The following MOV10 variants were observed in gnomAD, a reference collection of about 807,000 sequenced individuals.
The protein encoded by MOV10 is RNA helicase MOV-10.
In MOV10, 39 loss-of-function variants were observed where a neutral mutation model predicts 108.4. The observed-to-expected ratio is 0.36, with a 90% confidence interval of 0.28 to 0.47. MOV10 has a LOEUF of 0.47. MOV10 is among the 20% of genes least tolerant of loss of function. The pLI, the probability that MOV10 is intolerant of heterozygous loss-of-function variation, is 1.00. For missense variants in MOV10, 952 were observed against 1,297.6 expected (o/e 0.73, Z 4.09); for synonymous variants, 490 against 523.1 (o/e 0.94, Z 0.86).
chr1:112,696,943 C>T (rs1464218532), intron 14 of MOV10, 97 bp downstream of exon 14: 3 of 1,039,934 alleles, frequency 2.9e-6, no homozygotes, highest in East Asian at 5.2e-5. Flanking sequence ...AGTCCTGTTG[C>T]TCAGAGGTTG....
chr1:112,691,663 A>G lies in MOV10; in HGVS notation c.837-2A>G. 1 of 1,612,948 alleles carries G rather than the reference A, an allele frequency of 6.2e-7. No individual in the cohort carries two copies. Among genetic ancestry groups the G allele is most frequent in the Non-Finnish European group, 8.5e-7 (1 of 1,179,168 alleles). On this transcript the variant is annotated splice_acceptor_variant, in intron 5 of 20. Coordinates refer to ENST00000369645, the MANE Select transcript of MOV10 (RefSeq NM_001321324.2). LOFTEE classifies it high-confidence loss of function. The stretch of plus-strand genomic sequence containing the variant: ...CTGTGTTTTCTTCCCTCGATTCTGC[A>G]GCGCTAAGGGCTATGACCTGGAGTT...
chr1:112,683,309 G>T (rs1485485684), intron 2 of MOV10, among the ~76,000 whole-genome samples: 5 of 152,126 alleles, frequency 3.3e-5, no homozygotes, highest in Non-Finnish European at 7.4e-5. Flanking sequence ...TCATAGGATA[G>T]GCATATGTTT....
chr1:112,691,768 T>A lies in MOV10; in HGVS notation c.940T>A (p.Phe314Ile). ...LPMLLQGTSIFTAPKEIAEIK... is the reference protein window; with the variant it reads ...LPMLLQGTSIITAPKEIAEIK... ...CATGCTTCTTCAGGGAACAAGTATC[T>A]TCACTGCCCCTAAGGAGATCGCAGA... The change falls in exon 6 of 21, where the codon TTC (phenylalanine) becomes ATC (isoleucine). Residue 314 changes from phenylalanine to isoleucine, a missense_variant. This residue lies in a region of MOV10 where 374 missense variants were observed against 468.6 expected (regional missense o/e 0.80). Transcript: ENST00000369645. 1 of 1,614,176 alleles carries A rather than the reference T, an allele frequency of 6.2e-7. No homozygotes were observed. Among genetic ancestry groups the A allele is most frequent in the African/African-American group, 1.3e-5 (1 of 75,036 alleles).
At chr1:112,676,021 G>A (rs1278489627) in intron 2 of MOV10, among the ~76,000 whole-genome samples, 1 of 97,392 alleles carries the variant, frequency 1.0e-5, no homozygotes. Flanking sequence ...ATTTGGGGTG[G>A]GGGAAAAGGG....
rs762529184 is a variant in MOV10 at position 112,689,982 on chromosome 1, C to T, written c.720C>T (p.Ala240=). The T allele has an allele frequency of 2.5e-6, 4 of 1,614,020 alleles. No homozygotes were observed. Among genetic ancestry groups the T allele is most frequent in the African/African-American group, 2.7e-5 (2 of 74,924 alleles). The change falls in exon 5 of 21, where the codon GCC becomes GCT. Residue 240 remains alanine (A), a synonymous_variant. Transcript: ENST00000369645. ...GTFYIARFLA[A]VAHSPLAAQL... ...TCTACATTGCCCGCTTCTTGGCTGC[C>T]GTCGCCCACAGCCCCCTGGCTGCAC... is the stretch of plus-strand genomic sequence containing the variant.
rs1673323007 is a variant in MOV10 at position 112,689,051 on chromosome 1, T to C, written c.254T>C (p.Val85Ala). 1 of 1,612,384 alleles carries C rather than the reference T, an allele frequency of 6.2e-7. No individual in the cohort carries two copies. Among genetic ancestry groups the C allele is most frequent in the Non-Finnish European group, 8.5e-7 (1 of 1,180,022 alleles). Residue 85 changes from valine (V) to alanine (A), a missense_variant, in exon 3 of 21, where the codon GTG becomes GCG. Val to Ala is a moderately conservative substitution (Grantham distance 64). Around this residue, in one of 5 missense-constraint regions of MOV10, gnomAD observed 374 missense variants for 468.6 expected, o/e 0.80. Transcript: ENST00000369645. ...RFFRLDRWAD[V>A]RFPEKRRMKL... ...TTCAGACTCGACCGCTGGGCCGACG[T>C]GCGGTTCCCAGAAAAGAGGAGAATG...
intron 2 of MOV10, among the ~76,000 whole-genome samples, chr1:112,681,419 G>A (rs1317641129): frequency 3.3e-5 from 5 of 152,048 alleles, no homozygotes; most frequent in African/African-American, 9.7e-5. Context: ...ACTTGAACCC[G>A]GGAGGCGGAA....
chr1:112,688,590 A>C, intron 2 of MOV10: 1 of 1,196,292 alleles, frequency 8.4e-7, no homozygotes, highest in South Asian at 2.1e-5. Context: ...TTCTGTCCCA[A>C]ACAGTTTCCC....
At chr1:112,699,230 G>C (rs1342153917) in intron 17 of MOV10, 1 of 226,084 alleles carries the variant, frequency 4.4e-6, no homozygotes, top group African/African-American at 2.3e-5. Context: ...GGCAGAGCCA[G>C]GGCACTGGTA....
At chr1:112,687,346 A>G (rs530969964) in intron 2 of MOV10, among the ~76,000 whole-genome samples, 1 of 152,338 alleles carries the variant, frequency 6.6e-6, no homozygotes, top group South Asian at 2.1e-4. Context: ...AAAAATACTC[A>G]TAACCATAAA....
rs1018601077 is a variant in MOV10 at position 112,675,478 on chromosome 1, C to A, written c.137+429C>A. Among the ~76,000 whole-genome samples the A allele has an allele frequency of 4.6e-5, 7 of 152,210 alleles. No homozygotes were observed. The highest frequency in any genetic ancestry group is 1.7e-4 in the African/African-American group (7 of 41,462). ...TGGGGGCTGCGAGCCCGAGCGCGGGCTTTACAGGGACCTCTGCCACCTTGT... is the reference window on the plus strand; with the variant it reads ...TGGGGGCTGCGAGCCCGAGCGCGGGATTTACAGGGACCTCTGCCACCTTGT... On this transcript the variant is annotated intron_variant, in intron 2 of 20. Transcript: ENST00000369645. This position sits in a 1 kb window ranked among gnomAD's most constrained non-coding sequence, Gnocchi z 4.7.
At chr1:112,683,101 G>C (rs1006009172) in intron 2 of MOV10, among the ~76,000 whole-genome samples, 2 of 134,196 alleles carry the variant, frequency 1.5e-5, no homozygotes, top group Admixed American at 1.5e-4. Context: ...TTTTTTTTTT[G>C]TAGAGACGGG....
intron 7 of MOV10, among the ~76,000 whole-genome samples, chr1:112,693,520 C>T (rs977173657): frequency 7.2e-5 from 11 of 152,132 alleles, no homozygotes; most frequent in Non-Finnish European, 1.5e-5. Context: ...TGCCCCACTA[C>T]GCCTGGCTAA....
chr1:112,692,619 T>C (rs1673682732), intron 6 of MOV10, 142 bp from the exon 7 acceptor site: 7 of 1,205,110 alleles, frequency 5.8e-6, no homozygotes, highest in Non-Finnish European at 7.9e-6. Flanking sequence ...TCTCATCCAC[T>C]TCTGTATCCC....
intron 17 of MOV10, chr1:112,699,343 G>C: frequency 1.8e-6 from 1 of 562,784 alleles, no homozygotes; most frequent in Non-Finnish European, 2.5e-6. Context: ...GGGGGTCCGG[G>C]TTAGGGCCCA....
At chr1:112,679,408 G>T (rs890670302) in intron 2 of MOV10, among the ~76,000 whole-genome samples, 53 of 152,246 alleles carry the variant, frequency 3.5e-4, no homozygotes, top group Middle Eastern at 3.4e-3. Context: ...TTTGAGGATT[G>T]AATGAGATAA....
At chr1:112,699,575 A>G (rs2101439840) in intron 17 of MOV10, 110 bp from the exon 18 acceptor site, 1 of 1,541,194 alleles carries the variant, frequency 6.5e-7, no homozygotes, top group Non-Finnish European at 8.7e-7. Flanking sequence ...TCACTGATCT[A>G]CAATTGCCCA....
At position 112,675,279 on chromosome 1, in the gene MOV10, C is replaced by T. The variant is rs1672096322; in HGVS notation, c.137+230C>T. Among the ~76,000 whole-genome samples the T allele has an allele frequency of 6.6e-6, 1 of 151,970 alleles. No individual in the cohort carries two copies. Among genetic ancestry groups the T allele is most frequent in the Admixed American group, 6.6e-5 (1 of 15,266 alleles). The stretch of plus-strand genomic sequence containing the variant: ...GAGCTGGGCCCCTGCGCCAAGTCGC[C>T]GCGGAGAGCCTCCCGCGCTGCCCGC... On this transcript the variant is annotated intron_variant, in intron 2 of 20. Transcript: ENST00000369645. The surrounding 1 kb of genome is among the most constrained non-coding windows in gnomAD (Gnocchi z 4.7).
At chr1:112,699,407 G>C (rs1674425210) in intron 17 of MOV10, 1 of 1,216,554 alleles carries the variant, frequency 8.2e-7, no homozygotes, top group African/African-American at 1.5e-5. Flanking sequence ...AAGTTTGAAA[G>C]TCACTGCTCT....
Sources: allele counts gnomAD v4.1 joint callset (sites outside exome capture counted in the v4.1 genomes callset), GRCh38; gene constraint gnomAD v4.1.1; regional missense constraint gnomAD v4.1.1; non-coding constraint Gnocchi (gnomAD v3.1); transcripts MANE v1.5; gene names NCBI Gene and HGNC (gene_info 2026-07-23, HGNC 2026-07-21).